The following PDE6A variants were observed in gnomAD, a reference collection of about 807,000 sequenced individuals.
PDE6A encodes rod cGMP-specific 3',5'-cyclic phosphodiesterase subunit alpha.
A neutral mutation model predicts 106.3 loss-of-function variants in PDE6A; 84 were observed. That is an observed-to-expected ratio of 0.79 (90% CI 0.66 to 0.95). The LOEUF (loss-of-function observed/expected upper bound fraction) is 0.95, where lower values mean the gene tolerates loss of function less well. Among genes scored for constraint, PDE6A ranks in the 40% least tolerant of loss-of-function variants. The pLI is 0.00. For missense variants in PDE6A, 1,052 were observed against 1,084.9 expected, an observed-to-expected ratio of 0.97 and a Z score of 0.43; for synonymous variants, 394 against 386.6, an observed-to-expected ratio of 1.02 and a Z score of -0.23.
rs1010373841 is a variant in PDE6A, at chr5:149,863,860, G to C, written c.2359-594C>G. ...GCTGGTCTCAAGCTCCTGGCCTCAA[G>C]TGATTCTTCTGCCTTGGCTTCTCAA... On this transcript the variant is annotated intron_variant, in intron 20 of 21. Transcript: ENST00000255266. This position sits in a 1 kb window ranked among gnomAD's most constrained non-coding sequence, Gnocchi z 4.7. Among the ~76,000 whole-genome samples, 1 of 152,166 alleles carries C rather than the reference G, an allele frequency of 6.6e-6. No homozygotes were observed. The highest frequency in any genetic ancestry group is 1.5e-5 in the Non-Finnish European group (1 of 68,034).
chr5:149,932,112 A>T, intron 3 of PDE6A: 1 of 1,278,526 alleles, frequency 7.8e-7, no homozygotes, highest in Non-Finnish European at 1.1e-6. Flanking sequence ...CTCGTCCGGA[A>T]GTTGTAGACG....
At chr5:149,867,978 A>G in intron 18 of PDE6A, 117 bp downstream of exon 18, 1 of 1,144,324 alleles carries the variant, frequency 8.7e-7, no homozygotes. Flanking sequence ...GTCTTGGTAG[A>G]GGAGGATGGG....
At chr5:149,873,091 G>A (rs1355552299) in intron 17 of PDE6A, among the ~76,000 whole-genome samples, 1 of 152,112 alleles carries the variant, frequency 6.6e-6, no homozygotes, top group African/African-American at 2.4e-5. Context: ...AGGAAAAAAG[G>A]ACATAACAGG....
chr5:149,865,251 A>G (rs898104539), intron 20 of PDE6A, among the ~76,000 whole-genome samples: 1 of 151,260 alleles, frequency 6.6e-6, no homozygotes, highest in Non-Finnish European at 1.5e-5. Context: ...AAAAAAAAAA[A>G]AAAAAAAATT....
chr5:149,917,375 T>G (rs992228008), intron 5 of PDE6A, among the ~76,000 whole-genome samples: 1 of 152,170 alleles, frequency 6.6e-6, no homozygotes, highest in African/African-American at 2.4e-5. Flanking sequence ...TGCAGATACC[T>G]GGGCTCCACC....
Position 149,887,794 on chromosome 5 carries a change from A to C in PDE6A, c.1729-1420T>G, listed in dbSNP as rs560784193. On this transcript the variant is annotated intron_variant, in intron 13 of 21. Coordinates refer to ENST00000255266, the MANE Select transcript of PDE6A (RefSeq NM_000440.3). ...AGCAAAACCGCCTCATCATGAGAACATCTTATCAATAGCCTGCCAGGCAAC... is the reference window on the plus strand; with the variant it reads ...AGCAAAACCGCCTCATCATGAGAACCTCTTATCAATAGCCTGCCAGGCAAC... Among the ~76,000 whole-genome samples, 565 of 151,936 alleles carry C rather than the reference A, an allele frequency of 3.7e-3. 1 individual carries two copies. The highest frequency in any genetic ancestry group is 7.7e-3 in the Admixed American group (117 of 15,246).
intron 5 of PDE6A, among the ~76,000 whole-genome samples, chr5:149,918,955 T>A (rs949154213): frequency 2.0e-4 from 30 of 152,228 alleles, no homozygotes; most frequent in African/African-American, 7.0e-4. Flanking sequence ...TTTTAAATAG[T>A]CAAGTTGTAC....
At chr5:149,913,536 G>A (rs1193688453) in intron 6 of PDE6A, among the ~76,000 whole-genome samples, 2 of 152,068 alleles carry the variant, frequency 1.3e-5, no homozygotes, top group Non-Finnish European at 2.9e-5. Context: ...TCTGGGTGAC[G>A]GGATTACTAC....
At chr5:149,862,833 C>T (rs1428501688) in intron 21 of PDE6A, among the ~76,000 whole-genome samples, 1 of 152,216 alleles carries the variant, frequency 6.6e-6, no homozygotes, top group Non-Finnish European at 1.5e-5. Context: ...AGGGTAGGGA[C>T]ATATGTCCAC....
intron 13 of PDE6A, among the ~76,000 whole-genome samples, chr5:149,894,623 T>C (rs1752665291): frequency 7.1e-6 from 1 of 140,902 alleles, no homozygotes; most frequent in Non-Finnish European, 1.5e-5. Flanking sequence ...CCAATTGAAC[T>C]GTTGAATTTT....
rs757048108 is a variant in PDE6A at position 149,934,586 on chromosome 5, A to T, written c.607T>A (p.Phe203Ile). The T allele has an allele frequency of 1.2e-6, 2 of 1,614,192 alleles. No individual in the cohort carries two copies. Among genetic ancestry groups the T allele is most frequent in the South Asian group, 1.1e-5 (1 of 91,078 alleles). Residue 203 changes from phenylalanine to isoleucine, a missense_variant, in exon 2 of 22, where the codon TTC becomes ATC. Physicochemically the swap from Phe to Ile is conservative, Grantham distance 21 (BLOSUM62 0). Around this residue, in one of 3 missense-constraint regions of PDE6A, gnomAD observed 913 missense variants for 915.2 expected, o/e 1.00. Transcript: ENST00000255266. Reference protein sequence around the residue: ...MAVNKVDGSHFTKRDEEILLK... With the variant: ...MAVNKVDGSHITKRDEEILLK... ...CTTACCTCTTCATCTCTCTTGGTGA[A>T]GTGGGATCCATCCACTTTATTCACA...
chr5:149,877,204 A>T (rs1436647854), intron 17 of PDE6A, among the ~76,000 whole-genome samples: 1 of 151,876 alleles, frequency 6.6e-6, no homozygotes, highest in African/African-American at 2.4e-5. Flanking sequence ...ATAAAACCCC[A>T]CCCACTGGCT....
At position 149,934,606 on chromosome 5, in the gene PDE6A, T is replaced by C. The variant is rs1207436881; in HGVS notation, c.587A>G (p.Asn196Ser). The C allele has an allele frequency of 3.1e-6, 5 of 1,614,086 alleles. No individual in the cohort carries two copies. In the Admixed American group the frequency reaches 8.3e-5, roughly 27 times the overall value. The change falls in exon 2 of 22, where the codon AAT becomes AGT. Residue 196 changes from asparagine (N) to serine (S), a missense_variant. Transcript: ENST00000255266. Reference protein sequence around the residue: ...KDVVAIIMAVNKVDGSHFTKR... With the variant: ...KDVVAIIMAVSKVDGSHFTKR... The stretch of plus-strand genomic sequence containing the variant: ...GGTGAAGTGGGATCCATCCACTTTA[T>C]TCACAGCCATGATTATGGCCACCAC...
intron 6 of PDE6A, among the ~76,000 whole-genome samples, chr5:149,911,242 C>A (rs1399797521): frequency 6.6e-6 from 1 of 152,112 alleles, no homozygotes; most frequent in African/African-American, 2.4e-5. Context: ...TACACACACA[C>A]AAAGGTAGCC....
intron 5 of PDE6A, among the ~76,000 whole-genome samples, chr5:149,918,178 A>G (rs546791269): frequency 1.3e-5 from 2 of 152,250 alleles, no homozygotes; most frequent in African/African-American, 4.8e-5. Context: ...AAATGTGGGT[A>G]AAAGCATTTT....
intron 7 of PDE6A, among the ~76,000 whole-genome samples, chr5:149,906,657 T>C (rs1162966604): frequency 1.3e-5 from 2 of 152,028 alleles, no homozygotes; most frequent in African/African-American, 2.4e-5. Flanking sequence ...CACTTAACCA[T>C]ACACAGCACA....
At position 149,893,269 on chromosome 5, in the gene PDE6A, T is replaced by G. The variant is rs927165142; in HGVS notation, c.1728+1914A>C. ...TACCGCAAAACTTTAGGGCCTTGAG[T>G]CTTGGATCTACATCTCTCAATTCAA... is the stretch of plus-strand genomic sequence containing the variant. On this transcript the variant is annotated intron_variant, in intron 13 of 21. Transcript: ENST00000255266. Among the ~76,000 whole-genome samples, 3 of 152,204 alleles carry G rather than the reference T, an allele frequency of 2.0e-5. No individual in the cohort carries two copies. The East Asian group carries it at 5.8e-4, about 29-fold the overall frequency.
intron 4 of PDE6A, among the ~76,000 whole-genome samples, chr5:149,929,708 A>G (rs1753974664): frequency 6.6e-6 from 1 of 152,164 alleles, no homozygotes; most frequent in African/African-American, 2.4e-5. Flanking sequence ...AAAAAGGTAA[A>G]ACTAATATGG....
intron 10 of PDE6A, among the ~76,000 whole-genome samples, chr5:149,897,359 G>T (rs577960528): frequency 2.0e-5 from 3 of 152,286 alleles, no homozygotes; most frequent in African/African-American, 7.2e-5. Context: ...TTGACCCAGA[G>T]CAAAATTTGT....
Sources: gnomAD v4.1 joint callset for allele counts (sites outside exome capture counted in the v4.1 genomes callset) on GRCh38, gnomAD v4.1.1 for gene constraint, gnomAD v4.1.1 regional missense constraint, Gnocchi (gnomAD v3.1) non-coding constraint, MANE v1.5 for transcripts, NCBI Gene and HGNC (gene_info 2026-07-23, HGNC 2026-07-21) for gene names.